Variants in EFNA5 observed in about 807,000 individuals in gnomAD.
EFNA5 encodes the protein ephrin-A5.
Under a neutral mutation model 22.9 loss-of-function variants are expected in EFNA5, and 5 were observed. The observed-to-expected ratio is 0.22, with a 90% confidence interval of 0.11 to 0.46. The LOEUF is 0.46. Among genes scored for constraint, EFNA5 ranks in the 20% least tolerant of loss-of-function variants. EFNA5 has a pLI of 0.99. For synonymous variants in EFNA5, 113 were observed against 112.2 expected (o/e 1.01, Z -0.04); for missense variants, 237 against 293.3 (o/e 0.81, Z 1.40).
chr5:107,611,812 G>T (rs1749823765), intron 1 of EFNA5, among the ~76,000 whole-genome samples: 1 of 152,214 alleles, frequency 6.6e-6, no homozygotes, highest in South Asian at 2.1e-4. Flanking sequence ...TTAGCTAGTT[G>T]AATGCAGCAT....
At chr5:107,669,266 G>A (rs1751135794) in intron 1 of EFNA5, among the ~76,000 whole-genome samples, 1 of 151,380 alleles carries the variant, frequency 6.6e-6, no homozygotes, top group Non-Finnish European at 1.5e-5. Flanking sequence ...CCAACTCTTA[G>A]GCTAACCCCT....
At chr5:107,669,017 C>G (rs1400151033) in intron 1 of EFNA5, among the ~76,000 whole-genome samples, 1 of 152,132 alleles carries the variant, frequency 6.6e-6, no homozygotes, top group Non-Finnish European at 1.5e-5. Flanking sequence ...GGGCGGCTAC[C>G]TGAGTAAGAC....
chr5:107,511,450 T>C (rs957609536), intron 1 of EFNA5, among the ~76,000 whole-genome samples: 1 of 152,106 alleles, frequency 6.6e-6, no homozygotes, highest in Non-Finnish European at 1.5e-5. Context: ...ATAGTAGTAG[T>C]GGTAGTCAAG....
At chr5:107,401,250 ATAGGAAGAT>A (rs1475364850) in intron 2 of EFNA5, among the ~76,000 whole-genome samples, 6 of 152,312 alleles carry the variant, frequency 3.9e-5, no homozygotes, top group African/African-American at 1.4e-4. Flanking sequence ...TGTCACACAA[ATAGGAAGAT>A]TTATTGTATT....
At chr5:107,418,359 T>A (rs1321473847) in intron 2 of EFNA5, among the ~76,000 whole-genome samples, 1 of 152,238 alleles carries the variant, frequency 6.6e-6, no homozygotes, top group Non-Finnish European at 1.5e-5. Flanking sequence ...GTGCATTACA[T>A]GTTTATAAGG....
At chr5:107,394,821 C>T (rs1039613338) in intron 2 of EFNA5, among the ~76,000 whole-genome samples, 1 of 152,136 alleles carries the variant, frequency 6.6e-6, no homozygotes, top group Non-Finnish European at 1.5e-5. Context: ...CAATAGCACA[C>T]TAACATGCTT....
intron 1 of EFNA5, among the ~76,000 whole-genome samples, chr5:107,448,572 C>T (rs1580457945): frequency 2.0e-5 from 3 of 151,950 alleles, no homozygotes; most frequent in Admixed American, 6.6e-5. Flanking sequence ...GGCTCACACC[C>T]GTAATCCCAG....
intron 2 of EFNA5, among the ~76,000 whole-genome samples, chr5:107,413,957 T>C (rs1053528047): frequency 3.9e-5 from 6 of 152,156 alleles, no homozygotes; most frequent in Admixed American, 1.3e-4. Flanking sequence ...TCACAAAGAC[T>C]GCCATTTCTC....
intron 1 of EFNA5, among the ~76,000 whole-genome samples, chr5:107,638,840 A>G (rs1236383510): frequency 2.0e-5 from 3 of 151,506 alleles, no homozygotes; most frequent in Admixed American, 6.6e-5. Flanking sequence ...ACACACACAT[A>G]TACACACACA....
intron 1 of EFNA5, among the ~76,000 whole-genome samples, chr5:107,436,379 G>C (rs1463418207): frequency 6.6e-6 from 1 of 152,188 alleles, no homozygotes; most frequent in African/African-American, 2.4e-5. Flanking sequence ...CTCGGGCATG[G>C]AGTAAGAGTG....
intron 1 of EFNA5, among the ~76,000 whole-genome samples, chr5:107,550,520 G>T (rs1341035910): frequency 2.6e-5 from 4 of 152,078 alleles, no homozygotes; most frequent in African/African-American, 9.6e-5. Context: ...TTTTCAAATG[G>T]GAAGAAAAAC....
intron 1 of EFNA5, among the ~76,000 whole-genome samples, chr5:107,665,949 G>C (rs934188316): frequency 1.3e-5 from 2 of 152,114 alleles, no homozygotes; most frequent in African/African-American, 4.8e-5. Context: ...CTAAATTTCA[G>C]AGTAACAAAA....
intron 1 of EFNA5, among the ~76,000 whole-genome samples, chr5:107,605,235 C>G (rs1749689634): frequency 1.3e-5 from 2 of 151,908 alleles, no homozygotes; most frequent in Non-Finnish European, 2.9e-5. Context: ...CCTAATGCCT[C>G]TTATGGGTAT....
chr5:107,419,787 G>C (rs975097643), intron 2 of EFNA5, among the ~76,000 whole-genome samples: 2 of 152,144 alleles, frequency 1.3e-5, no homozygotes, highest in African/African-American at 4.8e-5. Context: ...TTCAATCTTA[G>C]AGAAGTTGAT....
chr5:107,591,968 A>T (rs7446203), intron 1 of EFNA5, among the ~76,000 whole-genome samples: 3 of 23,714 alleles, frequency 1.3e-4, no homozygotes, highest in African/African-American at 7.5e-4. Context: ...AATATATATA[A>T]TATATATAAT....
chr5:107,411,692 G>A (rs2112402579), intron 2 of EFNA5, among the ~76,000 whole-genome samples: 1 of 152,300 alleles, frequency 6.6e-6, no homozygotes, highest in South Asian at 2.1e-4. Context: ...TGCCCAGGCT[G>A]GAGTGCAGTG....
rs563773317 is a variant in EFNA5, at chr5:107,528,229, T to C, written c.126-100720A>G. 3.9e-5 allele frequency among the ~76,000 whole-genome samples: 6 copies of C among 152,174 alleles called. No homozygotes were observed. In the South Asian group the frequency reaches 1.2e-3, roughly 32 times the overall value. On this transcript the variant is annotated intron_variant, in intron 1 of 4. Transcript: ENST00000333274. ...TGATAACAAGAAAAAACCTCCATCTTCATCCCCAGAGCTTGATATCAAAAC... is the reference window on the plus strand; with the variant it reads ...TGATAACAAGAAAAAACCTCCATCTCCATCCCCAGAGCTTGATATCAAAAC...
intron 1 of EFNA5, among the ~76,000 whole-genome samples, chr5:107,663,899 C>G (rs1277664147): frequency 6.6e-6 from 1 of 152,010 alleles, no homozygotes; most frequent in African/African-American, 2.4e-5. Flanking sequence ...TGTCAACTGT[C>G]AATTGTATGA....
At chr5:107,493,005 A>T (rs1384885473) in intron 1 of EFNA5, among the ~76,000 whole-genome samples, 4 of 151,974 alleles carry the variant, frequency 2.6e-5, no homozygotes, top group African/African-American at 9.7e-5. Flanking sequence ...AAAAAAAAAA[A>T]AATACATCTT....
Sources: allele counts gnomAD v4.1 joint callset (sites outside exome capture counted in the v4.1 genomes callset), GRCh38; gene constraint gnomAD v4.1.1; transcripts MANE v1.5; gene names NCBI Gene and HGNC (gene_info 2026-07-23, HGNC 2026-07-21).